The following ASIC2 variants were observed in gnomAD, a reference collection of about 807,000 sequenced individuals.
ASIC2 encodes acid sensing ion channel subunit 2.
A neutral mutation model predicts 57.3 loss-of-function variants in ASIC2; 25 were observed. The ratio of observed to expected loss-of-function variants is 0.44; its 90% confidence interval spans 0.32 to 0.61. The LOEUF (loss-of-function observed/expected upper bound fraction) is 0.61. Among genes scored for constraint, ASIC2 ranks in the 20% least tolerant of loss-of-function variants. The probability of loss-of-function intolerance (pLI) is 0.06; values close to 1 mark genes in which losing one functional copy is unlikely to be tolerated. For synonymous variants in ASIC2, 319 were observed against 307.5 expected (o/e 1.04, Z -0.39); for missense variants, 641 against 738.1 (o/e 0.87, Z 1.52).
intron 1 of ASIC2, among the ~76,000 whole-genome samples, chr17:33,743,082 C>T (rs750047569): frequency 6.6e-6 from 1 of 152,236 alleles, no homozygotes; most frequent in Non-Finnish European, 1.5e-5. Flanking sequence ...CCTCTCCCTG[C>T]TCTTGCAAAT....
intron 4 of ASIC2, 21 bp from the exon 5 acceptor site, chr17:33,026,003 A>T: frequency 6.2e-7 from 1 of 1,612,826 alleles, no homozygotes; most frequent in Non-Finnish European, 8.5e-7. Context: ...GAAACACCAG[A>T]CAGAGTTACT....
At chr17:33,808,001 T>G (rs906027310) in intron 1 of ASIC2, among the ~76,000 whole-genome samples, 2 of 152,264 alleles carry the variant, frequency 1.3e-5, no homozygotes, top group Admixed American at 1.3e-4. Flanking sequence ...TTTATTCTGT[T>G]GATGGTGTCT....
intron 1 of ASIC2, among the ~76,000 whole-genome samples, chr17:34,043,828 C>T (rs920692734): frequency 6.6e-6 from 1 of 152,130 alleles, no homozygotes; most frequent in Non-Finnish European, 1.5e-5. Context: ...GGCTGGTGGC[C>T]TTTGAGCTCT....
At chr17:33,465,006 T>G (rs942565264) in intron 1 of ASIC2, among the ~76,000 whole-genome samples, 2 of 152,116 alleles carry the variant, frequency 1.3e-5, no homozygotes, top group African/African-American at 4.8e-5. Flanking sequence ...GGAATTCCAT[T>G]AAGATAATGT....
chr17:33,895,781 C>T (rs570830417), intron 1 of ASIC2, among the ~76,000 whole-genome samples: 1 of 152,316 alleles, frequency 6.6e-6, no homozygotes, highest in East Asian at 1.9e-4. Flanking sequence ...AGTCCTGAAA[C>T]ATTGAGATTC....
At chr17:34,061,571 T>TGGAGA (rs1269444466) in intron 1 of ASIC2, among the ~76,000 whole-genome samples, 2 of 152,156 alleles carry the variant, frequency 1.3e-5, no homozygotes, top group Non-Finnish European at 2.9e-5. Context: ...ACTTAAAAGA[T>TGGAGA]ACAGAACCAC....
chr17:33,462,611 A>G (rs1409639521), intron 1 of ASIC2, among the ~76,000 whole-genome samples: 2 of 152,216 alleles, frequency 1.3e-5, no homozygotes, highest in African/African-American at 4.8e-5. Flanking sequence ...CTTAACCTGT[A>G]CCTTTACAAA....
chr17:33,132,817 C>T (rs747357586), intron 1 of ASIC2, among the ~76,000 whole-genome samples: 8 of 152,168 alleles, frequency 5.3e-5, no homozygotes, highest in Non-Finnish European at 7.3e-5. Flanking sequence ...AAAATTGTTA[C>T]GTCCTGCTTT....
rs193232225 is a variant in ASIC2, at chr17:33,309,083, A to G, written c.556-197016T>C. Among the ~76,000 whole-genome samples the G allele has an allele frequency of 2.6e-3, 388 of 151,924 alleles. 1 individual carries two copies. Among genetic ancestry groups the G allele is most frequent in the African/African-American group, 8.4e-3 (350 of 41,442 alleles). ...ATTAAAAAGCTTTCTTCCATTCCCA[A>G]CGTTTCCTGATTCTGCTGCTACAAC... On this transcript the variant is annotated intron_variant, in intron 1 of 9. Transcript: ENST00000359872.
At chr17:33,466,811 A>C (rs1912881014) in intron 1 of ASIC2, among the ~76,000 whole-genome samples, 2 of 152,198 alleles carry the variant, frequency 1.3e-5, no homozygotes, top group African/African-American at 2.4e-5. Context: ...CTGAAACTGG[A>C]TCCCTTCCTT....
At chr17:33,180,318 C>T (rs1020304099) in intron 1 of ASIC2, among the ~76,000 whole-genome samples, 3 of 152,176 alleles carry the variant, frequency 2.0e-5, no homozygotes, top group African/African-American at 4.8e-5. Context: ...TATCCCAGGC[C>T]TCACAATGAG....
At chr17:33,742,731 G>A (rs576125668) in intron 1 of ASIC2, among the ~76,000 whole-genome samples, 1 of 152,298 alleles carries the variant, frequency 6.6e-6, no homozygotes, top group South Asian at 2.1e-4. Context: ...GGGTTCTGAT[G>A]TTCATTGGTC....
intron 1 of ASIC2, among the ~76,000 whole-genome samples, chr17:33,887,451 G>A (rs918513641): frequency 2.0e-5 from 3 of 152,176 alleles, no homozygotes; most frequent in Non-Finnish European, 2.9e-5. Context: ...TATACATGCA[G>A]GAGGAGGTCT....
chr17:34,042,191 CTTA>C (rs997090120), intron 1 of ASIC2, among the ~76,000 whole-genome samples: 1 of 152,156 alleles, frequency 6.6e-6, no homozygotes, highest in African/African-American at 2.4e-5. Flanking sequence ...TAAACAACCA[CTTA>C]TTATATGACA....
At chr17:33,159,554 T>C (rs1046772119) in intron 1 of ASIC2, among the ~76,000 whole-genome samples, 1 of 152,124 alleles carries the variant, frequency 6.6e-6, no homozygotes, top group Non-Finnish European at 1.5e-5. Context: ...CTAGTCCTCC[T>C]AGTTACCTGG....
chr17:34,033,351 A>G (rs1331757087), intron 1 of ASIC2, among the ~76,000 whole-genome samples: 1 of 152,200 alleles, frequency 6.6e-6, no homozygotes, highest in African/African-American at 2.4e-5. Context: ...AATCTCTGGG[A>G]CACATTCAAA....
At chr17:34,100,182 TTG>T (rs1242093737) in intron 1 of ASIC2, among the ~76,000 whole-genome samples, 3 of 43,878 alleles carry the variant, frequency 6.8e-5, no homozygotes, top group East Asian at 6.2e-4. Context: ...CCTCTCTTTC[TTG>T]TTTTTTTTTT....
At chr17:33,718,962 C>T (rs1263505393) in intron 1 of ASIC2, among the ~76,000 whole-genome samples, 1 of 152,122 alleles carries the variant, frequency 6.6e-6, no homozygotes, top group African/African-American at 2.4e-5. Flanking sequence ...GGAGGAAGAC[C>T]CTTGTCAGGC....
At chr17:33,694,842 C>T (rs895815084) in intron 1 of ASIC2, among the ~76,000 whole-genome samples, 3 of 152,152 alleles carry the variant, frequency 2.0e-5, no homozygotes, top group African/African-American at 7.2e-5. Flanking sequence ...TTCCTCCATG[C>T]AGCTTTTCCT....
Sources: gnomAD v4.1 joint callset for allele counts (sites outside exome capture counted in the v4.1 genomes callset) on GRCh38, gnomAD v4.1.1 for gene constraint, MANE v1.5 for transcripts, NCBI Gene and HGNC (gene_info 2026-07-23, HGNC 2026-07-21) for gene names.